The following TSHZ2 variants were observed in gnomAD, a reference collection of about 807,000 sequenced individuals.
TSHZ2 encodes the protein teashirt homolog 2.
In TSHZ2, 21 loss-of-function variants were observed where a neutral mutation model predicts 74.4. That is an observed-to-expected ratio of 0.28 (90% CI 0.20 to 0.41). TSHZ2 has a LOEUF of 0.41. TSHZ2 is among the 10% of genes least tolerant of loss of function. The pLI is 1.00. For synonymous variants in TSHZ2, 540 were observed against 515.3 expected (o/e 1.05, Z -0.65); for missense variants, 1,244 against 1,293.5 (o/e 0.96, Z 0.59).
chr20:53,262,331 ATC>A (rs896377191), intron 2 of TSHZ2, among the ~76,000 whole-genome samples: 2 of 152,128 alleles, frequency 1.3e-5, no homozygotes, highest in African/African-American at 2.4e-5. Flanking sequence ...CAGAACTGAA[ATC>A]TCTCTAACGC....
chr20:53,291,046 C>G lies in TSHZ2; in HGVS notation c.*8+34475C>G, dbSNP rs1386804548. On this transcript the variant is annotated intron_variant, in intron 2 of 2. Coordinates refer to ENST00000371497, the MANE Select transcript of TSHZ2 (RefSeq NM_173485.6). ...CGACCCATGGCCTATGCAGTAGCTG[C>G]TTAGTGAGGGTAGATGTGAGCGTAG... 1.3e-5 allele frequency among the ~76,000 whole-genome samples: 2 copies of G among 152,106 alleles called. 1 individual carries two copies. Among genetic ancestry groups the G allele is most frequent in the Non-Finnish European group, 2.9e-5 (2 of 68,024 alleles).
At chr20:53,361,826 G>GT (rs1485987089) in intron 2 of TSHZ2, among the ~76,000 whole-genome samples, 1 of 152,078 alleles carries the variant, frequency 6.6e-6, no homozygotes, top group Non-Finnish European at 1.5e-5. Flanking sequence ...GTGAAACATT[G>GT]GTTTCTAACT....
chr20:53,261,526 A>G (rs1350355226), intron 2 of TSHZ2, among the ~76,000 whole-genome samples: 1 of 152,176 alleles, frequency 6.6e-6, no homozygotes, highest in Admixed American at 6.5e-5. Flanking sequence ...ATAATCTAGC[A>G]TCTCTCAAGC....
At chr20:53,338,021 G>A (rs1980025116) in intron 2 of TSHZ2, among the ~76,000 whole-genome samples, 1 of 152,156 alleles carries the variant, frequency 6.6e-6, no homozygotes, top group African/African-American at 2.4e-5. Context: ...TCATGAGGAA[G>A]TTAGAAAACC....
intron 2 of TSHZ2, among the ~76,000 whole-genome samples, chr20:53,407,430 T>C (rs536145839): frequency 6.6e-6 from 1 of 152,294 alleles, no homozygotes; most frequent in East Asian, 1.9e-4. Context: ...TAAGAGAAAT[T>C]CTTTTGAATG....
intron 2 of TSHZ2, among the ~76,000 whole-genome samples, chr20:53,356,891 G>T (rs940286862): frequency 1.3e-5 from 2 of 151,818 alleles, no homozygotes; most frequent in African/African-American, 4.8e-5. Context: ...ATAATAATAA[G>T]GATGAATGAA....
At position 53,495,050 on chromosome 20, in the gene TSHZ2, G is replaced by C. The variant is rs1209065337; in HGVS notation, c.*7915G>C. On this transcript the variant is annotated 3_prime_UTR_variant, in exon 3 of 3. Transcript: ENST00000371497. ...GAAACCTAGCTGATACGGAATAGCA[G>C]AGACATGCCTCTCAACACCATTAGC... is the stretch of plus-strand genomic sequence containing the variant. The C allele has an allele frequency of 6.6e-6, 1 of 151,976 alleles. No homozygotes were observed. The highest frequency in any genetic ancestry group is 1.5e-5 in the Non-Finnish European group (1 of 68,020). 9.4% of individuals were successfully genotyped at this position (151,976 alleles called of 1,614,324 possible). A position where few individuals can be genotyped will look rare whatever the true frequency, so the allele number is the denominator to read the frequency against.
intron 2 of TSHZ2, among the ~76,000 whole-genome samples, chr20:53,354,144 C>T (rs1980758918): frequency 1.3e-5 from 2 of 152,192 alleles, no homozygotes; most frequent in African/African-American, 2.4e-5. Context: ...TAATGAGTTT[C>T]AGAAGCCATG....
At chr20:53,275,106 A>C (rs1990916682) in intron 2 of TSHZ2, among the ~76,000 whole-genome samples, 1 of 152,160 alleles carries the variant, frequency 6.6e-6, no homozygotes, top group African/African-American at 2.4e-5. Flanking sequence ...AAAGTACCCT[A>C]ATATAAATAT....
intron 2 of TSHZ2, among the ~76,000 whole-genome samples, chr20:53,295,963 A>G (rs929596581): frequency 6.0e-5 from 9 of 150,916 alleles, no homozygotes; most frequent in Non-Finnish European, 1.3e-4. Context: ...TCATATATCT[A>G]ATGTTCTGCA....
chr20:53,108,030 A>G (rs1371223044), intron 1 of TSHZ2, among the ~76,000 whole-genome samples: 1 of 152,248 alleles, frequency 6.6e-6, no homozygotes, highest in African/African-American at 2.4e-5. Flanking sequence ...TTTTCTAAAC[A>G]TAATCTCTCT....
chr20:53,095,602 G>T lies in TSHZ2; in HGVS notation c.40+122269G>T, dbSNP rs1442198272. Among the ~76,000 whole-genome samples the T allele has an allele frequency of 2.6e-5, 4 of 152,118 alleles. No homozygotes were observed. In the East Asian group the frequency reaches 5.8e-4, roughly 22 times the overall value. The stretch of plus-strand genomic sequence containing the variant: ...ATAAAAAGCCAGCTTGCTCCCCAAG[G>T]CTTGATTTTCCATTTCACCTTCTAC... On this transcript the variant is annotated intron_variant, in intron 1 of 2. Transcript: ENST00000371497.
intron 2 of TSHZ2, among the ~76,000 whole-genome samples, chr20:53,375,234 C>A (rs1457692300): frequency 6.6e-6 from 1 of 152,130 alleles, no homozygotes; most frequent in Non-Finnish European, 1.5e-5. Context: ...AGGTGGCCTG[C>A]AAATGATTGC....
At chr20:53,190,965 T>A (rs1429604160) in intron 1 of TSHZ2, among the ~76,000 whole-genome samples, 2 of 152,198 alleles carry the variant, frequency 1.3e-5, no homozygotes, top group Non-Finnish European at 2.9e-5. Flanking sequence ...TGGTTAAATA[T>A]CACTATTTGC....
At chr20:53,286,861 A>G (rs953966935) in intron 2 of TSHZ2, among the ~76,000 whole-genome samples, 5 of 150,894 alleles carry the variant, frequency 3.3e-5, no homozygotes, top group African/African-American at 1.2e-4. Context: ...AGCATGGGTA[A>G]CAGAGCAAGA....
At chr20:53,139,814 T>A (rs181865737) in intron 1 of TSHZ2, among the ~76,000 whole-genome samples, 145 of 152,354 alleles carry the variant, frequency 9.5e-4, no homozygotes, top group Non-Finnish European at 4.7e-4. Context: ...CATTCGACTG[T>A]TTATTAGGAT....
chr20:53,268,001 C>G (rs1314516502), intron 2 of TSHZ2, among the ~76,000 whole-genome samples: 1 of 152,172 alleles, frequency 6.6e-6, no homozygotes, highest in Non-Finnish European at 1.5e-5. Flanking sequence ...TTAACCCTCC[C>G]TGGACTGCTT....
intron 1 of TSHZ2, among the ~76,000 whole-genome samples, chr20:53,085,082 T>C (rs1293446): frequency 0.83 from 126,060 of 151,994 alleles, 52,912 homozygotes; most frequent in Admixed American, 0.89. Context: ...AAATAGATGC[T>C]GGGTGTGGTG....
intron 1 of TSHZ2, among the ~76,000 whole-genome samples, chr20:53,142,593 A>G (rs1435818957): frequency 2.0e-5 from 3 of 152,242 alleles, no homozygotes; most frequent in African/African-American, 7.2e-5. Flanking sequence ...GTCAGCACAC[A>G]TGTTCAGATA....
Sources: allele counts gnomAD v4.1 joint callset (sites outside exome capture counted in the v4.1 genomes callset), GRCh38; gene constraint gnomAD v4.1.1; transcripts MANE v1.5; gene names NCBI Gene and HGNC (gene_info 2026-07-23, HGNC 2026-07-21).